The following MACF1 variants were observed in gnomAD, a reference collection of about 807,000 sequenced individuals.
MACF1 encodes microtubule actin crosslinking factor 1, also known as microtubule-actin cross-linking factor 1.
MACF1 carries 193 observed loss-of-function variants against 854.8 expected under a neutral mutation model. The observed-to-expected ratio is 0.23, with a 90% CI of 0.20 to 0.25. MACF1 has a LOEUF of 0.25. Among genes scored for constraint, MACF1 ranks in the 10% least tolerant of loss-of-function variants. MACF1 has a pLI of 1.00. For missense variants in MACF1, 7,722 were observed against 8,929.1 expected (o/e 0.86, Z 5.45); for synonymous variants, 3,185 against 3,226.7 (o/e 0.99, Z 0.44).
At chr1:39,174,272 T>C (rs145272672) in intron 2 of MACF1, among the ~76,000 whole-genome samples, 1 of 152,332 alleles carries the variant, frequency 6.6e-6, no homozygotes, top group Non-Finnish European at 1.5e-5. Flanking sequence ...TTTGCAACTA[T>C]AAAATGGGGA....
At chr1:39,233,775 C>CG (rs1644813922) in intron 2 of MACF1, among the ~76,000 whole-genome samples, 1 of 36,514 alleles carries the variant, frequency 2.7e-5, no homozygotes, top group Non-Finnish European at 6.4e-5. Flanking sequence ...CTAGCCATAG[C>CG]TTTTTTTTTT....
intron 1 of MACF1, among the ~76,000 whole-genome samples, chr1:39,207,341 C>T (rs1644462864): frequency 1.3e-5 from 2 of 150,602 alleles, no homozygotes; most frequent in South Asian, 4.2e-4. Flanking sequence ...TACAATGGAG[C>T]ACAATCCTGG....
chr1:39,298,024 T>C (rs775744540), intron 21 of MACF1, among the ~76,000 whole-genome samples: 1 of 152,160 alleles, frequency 6.6e-6, no homozygotes, highest in Non-Finnish European at 1.5e-5. Context: ...GTACTTTCTT[T>C]GCATTTTTCT....
intron 58 of MACF1, chr1:39,413,785 G>A (rs1245642210): frequency 5.0e-6 from 8 of 1,611,750 alleles, no homozygotes; most frequent in Non-Finnish European, 6.8e-6. Context: ...CTCCCCAGCT[G>A]CTGCAGTGCC....
At chr1:39,104,284 G>C (rs561418840) in intron 2 of MACF1, among the ~76,000 whole-genome samples, 2 of 152,330 alleles carry the variant, frequency 1.3e-5, no homozygotes, top group African/African-American at 4.8e-5. Context: ...CGCACTCCAT[G>C]AATATTGGGA....
rs1643819576 is a variant in MACF1, at chr1:39,429,178, G to C, written c.16804-64G>C. 1.1e-5 allele frequency: 9 copies of C among 817,788 alleles called. No homozygotes were observed. In the Admixed American group the frequency reaches 1.4e-4, roughly 13 times the overall value. 50.7% of individuals were successfully genotyped at this position (817,788 alleles called of 1,614,324 possible). The stretch of plus-strand genomic sequence containing the variant: ...TTACTTTAAATTTGATCTCTTAAAG[G>C]TCTCGCATTTTGTTTCATTTGTAGT... On this transcript the variant is annotated intron_variant, in intron 63 of 100. Transcript: ENST00000564288.
Position 39,454,900 on chromosome 1 carries a change from TTTCC to T in MACF1, c.20887-8_20887-5del, listed in dbSNP as rs768520366. ...TGAAAGAGGCCATGGTTTCCTTCTTTTTCCACAGGTCCTGACATGGGCTAAGCAG... is the reference window on the plus strand; with the variant it reads ...TGAAAGAGGCCATGGTTTCCTTCTTTACAGGTCCTGACATGGGCTAAGCAG... On this transcript the variant is annotated splice_region_variant and splice_polypyrimidine_tract_variant and intron_variant, in intron 88 of 100. Coordinates refer to ENST00000564288, the MANE Select transcript of MACF1 (RefSeq NM_001394062.1). The T allele has an allele frequency of 6.2e-7, 1 of 1,604,766 alleles. No individual in the cohort carries two copies. The highest frequency in any genetic ancestry group is 8.5e-7 in the Non-Finnish European group (1 of 1,175,960).
At position 39,204,904 on chromosome 1, in the gene MACF1, A is replaced by C; in HGVS notation, c.-119A>C. The C allele has an allele frequency of 1.6e-6, 1 of 628,678 alleles. No homozygotes were observed. The highest frequency in any genetic ancestry group is 1.9e-5 in the South Asian group (1 of 53,760). The allele number at this position is 628,678 out of a possible 1,614,324, so 38.9% of individuals were successfully genotyped here. On this transcript the variant is annotated 5_prime_UTR_variant, in exon 1 of 101. Transcript: ENST00000564288. The stretch of plus-strand genomic sequence containing the variant: ...TGCCAGGAAGTTTCTGACAACACTA[A>C]GCTCCGGCCTCTGCCTCTGCTGATA...
intron 2 of MACF1, among the ~76,000 whole-genome samples, chr1:39,138,542 G>T (rs967036586): frequency 6.6e-6 from 1 of 150,634 alleles, no homozygotes; most frequent in Non-Finnish European, 1.5e-5. Context: ...CAGAGATCGC[G>T]CCACTGCACT....
rs759045142 is a variant in MACF1 at position 39,414,067 on chromosome 1, A to G, written c.15817-8307A>G. On this transcript the variant is annotated intron_variant, in intron 58 of 100. Transcript: ENST00000564288. ...TGCAGTGCTCACCCCAGAGGAACTC[A>G]GTTCCCCAGCAGCTTCAGTGCCCAC... is the stretch of plus-strand genomic sequence containing the variant. The G allele has an allele frequency of 1.9e-6, 3 of 1,599,806 alleles. No individual in the cohort carries two copies. The South Asian group carries it at 3.3e-5, about 18-fold the overall frequency.
intron 1 of MACF1, among the ~76,000 whole-genome samples, chr1:39,219,497 C>G (rs776198078): frequency 1.3e-5 from 2 of 152,164 alleles, no homozygotes; most frequent in Non-Finnish European, 2.9e-5. Flanking sequence ...CAATAAATAT[C>G]GAGCTCCACC....
chr1:39,349,426 T>A, intron 41 of MACF1, 52 bp from the exon 42 acceptor site: 1 of 1,549,130 alleles, frequency 6.5e-7, no homozygotes, highest in South Asian at 1.2e-5. Flanking sequence ...TTTCTTGTAT[T>A]TGCAAAATGT....
intron 36 of MACF1, among the ~76,000 whole-genome samples, chr1:39,328,902 T>C (rs1646666309): frequency 2.6e-5 from 4 of 152,182 alleles, no homozygotes; most frequent in Admixed American, 2.6e-4. Flanking sequence ...TTGGCTACAC[T>C]GCAGGCCTTT....
At chr1:39,198,547 A>T (rs569239817) in intron 2 of MACF1, among the ~76,000 whole-genome samples, 1 of 151,638 alleles carries the variant, frequency 6.6e-6, no homozygotes, top group Admixed American at 6.6e-5. Context: ...GCTACTCAGG[A>T]GGCTGAGGCA....
chr1:39,246,408 G>GC (rs1369157157), intron 2 of MACF1, among the ~76,000 whole-genome samples: 12 of 152,272 alleles, frequency 7.9e-5, no homozygotes, highest in African/African-American at 2.9e-4. Context: ...CAAATCCACT[G>GC]CCCTTTTAAC....
At chr1:39,273,285 C>T (rs1348255225) in intron 6 of MACF1, among the ~76,000 whole-genome samples, 1 of 151,194 alleles carries the variant, frequency 6.6e-6, no homozygotes, top group Non-Finnish European at 1.5e-5. Flanking sequence ...TACAGGCGCC[C>T]GCCCCCACCA....
At chr1:39,380,499 T>C in intron 55 of MACF1, 126 bp downstream of exon 55, 1 of 943,298 alleles carries the variant, frequency 1.1e-6, no homozygotes, top group Non-Finnish European at 1.5e-6. Context: ...GCAATTAGGA[T>C]CCAGATAGGG....
At chr1:39,442,996 A>G in intron 78 of MACF1, 85 bp downstream of exon 78, 1 of 1,324,888 alleles carries the variant, frequency 7.5e-7, no homozygotes, top group South Asian at 1.3e-5. Flanking sequence ...ATCAATTTGA[A>G]AAGCAAAGAA....
At chr1:39,114,035 T>TAA (rs35507139) in intron 2 of MACF1, among the ~76,000 whole-genome samples, 28 of 146,186 alleles carry the variant, frequency 1.9e-4, no homozygotes, top group African/African-American at 2.5e-4. Context: ...GACTCCGTCT[T>TAA]AAAAAAAAAA....
Sources: allele counts gnomAD v4.1 joint callset (sites outside exome capture counted in the v4.1 genomes callset), GRCh38; gene constraint gnomAD v4.1.1; transcripts MANE v1.5; gene names NCBI Gene and HGNC (gene_info 2026-07-23, HGNC 2026-07-21).